DTNA: variants seen among roughly 807,000 people sequenced by gnomAD.
The protein encoded by DTNA is dystrophin-related protein 3.
DTNA carries 43 observed loss-of-function variants against 100.7 expected under a neutral mutation model. That is an observed-to-expected ratio of 0.43 (90% confidence interval 0.33 to 0.55). The LOEUF is 0.55. Among genes scored for constraint, DTNA ranks in the 20% least tolerant of loss-of-function variants. DTNA has a pLI of 0.04. For synonymous variants in DTNA, 349 were observed against 347.9 expected, an observed-to-expected ratio of 1.00 and a Z score of -0.04; for missense variants, 798 against 953.9, an observed-to-expected ratio of 0.84 and a Z score of 2.15.
At chr18:34,583,586 CT>C (rs550351119) in intron 1 of DTNA, among the ~76,000 whole-genome samples, 14,989 of 141,668 alleles carry the variant, frequency 0.11, 976 homozygotes, top group African/African-American at 0.2. Context: ...GAGCTATTGA[CT>C]TTTTTTTTTT....
intron 3 of DTNA, among the ~76,000 whole-genome samples, chr18:34,790,383 G>A (rs2094673662): frequency 6.8e-6 from 1 of 146,732 alleles, no homozygotes. Flanking sequence ...ATCCAGCCCA[G>A]AAAGATATCC....
intron 1 of DTNA, among the ~76,000 whole-genome samples, chr18:34,503,262 T>G (rs1365720261): frequency 6.7e-6 from 1 of 149,684 alleles, no homozygotes; most frequent in Non-Finnish European, 1.5e-5. Flanking sequence ...TCCTTGTAGA[T>G]AAAATATAAT....
At chr18:34,775,460 C>T (rs1445803984) in intron 3 of DTNA, among the ~76,000 whole-genome samples, 2 of 151,472 alleles carry the variant, frequency 1.3e-5, no homozygotes, top group South Asian at 2.1e-4. Context: ...CACTCCTGGG[C>T]GACAGAGCGA....
chr18:34,742,235 C>T (rs1054254111), intron 1 of DTNA, among the ~76,000 whole-genome samples: 5 of 152,148 alleles, frequency 3.3e-5, no homozygotes, highest in Non-Finnish European at 7.4e-5. Context: ...GTTGATCTAA[C>T]AAATAACTAC....
chr18:34,778,266 CA>C (rs2094152462), intron 3 of DTNA, among the ~76,000 whole-genome samples: 1 of 152,044 alleles, frequency 6.6e-6, no homozygotes, highest in Non-Finnish European at 1.5e-5. Context: ...AAAAATAAAC[CA>C]AGCCAATTTA....
At chr18:34,574,281 C>T (rs2047894874) in intron 1 of DTNA, 1 of 152,778 alleles carries the variant, frequency 6.5e-6, no homozygotes, top group Non-Finnish European at 1.5e-5. Flanking sequence ...ATGGGATCTG[C>T]TTGATCTGAG....
chr18:34,701,984 A>T (rs903818928), intron 1 of DTNA, among the ~76,000 whole-genome samples: 13 of 152,166 alleles, frequency 8.5e-5, no homozygotes, highest in African/African-American at 1.9e-4. Flanking sequence ...GTTGTGTTTT[A>T]TCACTATTAT....
chr18:34,494,399 G>A (rs1001939541), intron 1 of DTNA, among the ~76,000 whole-genome samples: 1 of 152,044 alleles, frequency 6.6e-6, no homozygotes, highest in Non-Finnish European at 1.5e-5. Flanking sequence ...ACGGGGGTGA[G>A]TGTCTTCGGC....
intron 3 of DTNA, among the ~76,000 whole-genome samples, chr18:34,789,014 TA>T (rs1008594721): frequency 6.6e-6 from 1 of 152,194 alleles, no homozygotes; most frequent in African/African-American, 2.4e-5. Flanking sequence ...TTCCTCATTT[TA>T]AAAAAGGAAT....
At chr18:34,707,448 A>G (rs1238214364), upstream of DTNA, among the ~76,000 whole-genome samples, 1 of 152,214 alleles carries the variant, frequency 6.6e-6, no homozygotes, top group Non-Finnish European at 1.5e-5. Context: ...GAAACCAAAT[A>G]TACTGGCGTC....
At chr18:34,658,405 C>G (rs143374776) in intron 1 of DTNA, among the ~76,000 whole-genome samples, 1 of 152,090 alleles carries the variant, frequency 6.6e-6, no homozygotes, top group Non-Finnish European at 1.5e-5. Context: ...CAGGCTGGAG[C>G]GCAGTGGCGT....
At chr18:34,578,714 T>A (rs529973420) in intron 1 of DTNA, among the ~76,000 whole-genome samples, 83 of 152,294 alleles carry the variant, frequency 5.4e-4, no homozygotes, top group African/African-American at 1.9e-3. Context: ...CACCATTTGT[T>A]AAATAGGGTG....
At chr18:34,584,523 T>A (rs758282306) in intron 1 of DTNA, among the ~76,000 whole-genome samples, 2 of 152,078 alleles carry the variant, frequency 1.3e-5, no homozygotes, top group African/African-American at 2.4e-5. Context: ...AGAACAAAGA[T>A]GAGAGACTCT....
chr18:34,635,574 C>T (rs956102196), intron 1 of DTNA, among the ~76,000 whole-genome samples: 8 of 152,152 alleles, frequency 5.3e-5, no homozygotes, highest in African/African-American at 1.9e-4. Context: ...CTGTCTCATA[C>T]TTCATATATA....
rs534633673 is a variant in DTNA, at chr18:34,721,265, T to C, written c.-2+10820T>C. ...GCTATTTACCTTTAGAAAATGGCTATTACAAATAAAGAACTCTTACATTTA... is the reference window on the plus strand; with the variant it reads ...GCTATTTACCTTTAGAAAATGGCTACTACAAATAAAGAACTCTTACATTTA... On this transcript the variant is annotated intron_variant, in intron 1 of 22. Coordinates refer to ENST00000444659, the MANE Select transcript of DTNA (RefSeq NM_001386795.1). Among the ~76,000 whole-genome samples, 11 of 152,336 alleles carry C rather than the reference T, an allele frequency of 7.2e-5. No homozygotes were observed. In the South Asian group the frequency reaches 1.4e-3, roughly 20 times the overall value.
At chr18:34,843,377 C>G (rs1485674994) in intron 13 of DTNA, among the ~76,000 whole-genome samples, 2 of 151,836 alleles carry the variant, frequency 1.3e-5, no homozygotes, top group Non-Finnish European at 2.9e-5. Flanking sequence ...TTAATGCCCC[C>G]CTAGATTCTT....
chr18:34,669,426 A>C (rs1053006596), intron 1 of DTNA, among the ~76,000 whole-genome samples: 3 of 152,158 alleles, frequency 2.0e-5, no homozygotes, highest in African/African-American at 7.2e-5. Flanking sequence ...GCCCATTTAC[A>C]TTTAAGGTTA....
chr18:34,807,009 T>A (rs973887964), intron 5 of DTNA, among the ~76,000 whole-genome samples: 1 of 152,136 alleles, frequency 6.6e-6, no homozygotes, highest in African/African-American at 2.4e-5. Flanking sequence ...AACCCTGACT[T>A]TTTTTTCTAC....
chr18:34,528,371 T>C (rs900009238), intron 1 of DTNA, among the ~76,000 whole-genome samples: 8 of 152,216 alleles, frequency 5.3e-5, no homozygotes, highest in African/African-American at 1.9e-4. Context: ...TCATGGGTTA[T>C]TCCTATTAGC....
Sources: allele counts gnomAD v4.1 joint callset (sites outside exome capture counted in the v4.1 genomes callset), GRCh38; gene constraint gnomAD v4.1.1; transcripts MANE v1.5; gene names NCBI Gene and HGNC (gene_info 2026-07-23, HGNC 2026-07-21).